SPIRE1: variants seen among roughly 807,000 people sequenced by gnomAD.
The protein encoded by SPIRE1 is spire type actin nucleation factor 1.
Under a neutral mutation model 94.1 loss-of-function variants are expected in SPIRE1, and 40 were observed. That is an observed-to-expected ratio of 0.43 (90% CI 0.33 to 0.55). SPIRE1 has a LOEUF of 0.55. Among genes scored for constraint, SPIRE1 ranks in the 20% least tolerant of loss-of-function variants. The pLI is 0.06. For missense variants in SPIRE1, 838 were observed against 975.2 expected, an observed-to-expected ratio of 0.86 and a Z score of 1.87; for synonymous variants, 376 against 371.7, an observed-to-expected ratio of 1.01 and a Z score of -0.13.
chr18:12,488,174 C>A (rs1428519067), intron 8 of SPIRE1, among the ~76,000 whole-genome samples: 1 of 152,310 alleles, frequency 6.6e-6, no homozygotes, highest in South Asian at 2.1e-4. Context: ...TTTGCCATAT[C>A]CTTTCTTCTG....
intron 6 of SPIRE1, among the ~76,000 whole-genome samples, chr18:12,501,081 A>G (rs1171164546): frequency 9.6e-6 from 1 of 104,428 alleles, no homozygotes. Flanking sequence ...TCAAAAAAAA[A>G]AAAAAAAAAA....
chr18:12,574,828 A>G (rs1023066871), intron 2 of SPIRE1, among the ~76,000 whole-genome samples: 2 of 152,208 alleles, frequency 1.3e-5, no homozygotes, highest in East Asian at 3.9e-4. Flanking sequence ...AAAGGATGAA[A>G]TCCAAAAACT....
Position 12,623,344 on chromosome 18 carries a change from A to G in SPIRE1, c.372+11718T>C, listed in dbSNP as rs113547146. On this transcript the variant is annotated intron_variant, in intron 2 of 16. Transcript: ENST00000409402. ...GATTTTTTGTATTTTTAGTAGAGACAGGGTTTCACTGTGTTAGCCAGGATG... is the reference window on the plus strand; with the variant it reads ...GATTTTTTGTATTTTTAGTAGAGACGGGGTTTCACTGTGTTAGCCAGGATG... Among the ~76,000 whole-genome samples the G allele has an allele frequency of 5.3e-4, 80 of 151,824 alleles. 1 individual carries two copies. In the South Asian group the frequency reaches 5.4e-3, roughly 10 times the overall value.
chr18:12,639,190 T>G (rs1408328694), intron 1 of SPIRE1, among the ~76,000 whole-genome samples: 1 of 151,622 alleles, frequency 6.6e-6, no homozygotes, highest in Non-Finnish European at 1.5e-5. Flanking sequence ...GGCATGATCT[T>G]GGCTCACTGC....
chr18:12,481,895 C>T (rs2032856437), intron 9 of SPIRE1, among the ~76,000 whole-genome samples: 1 of 152,102 alleles, frequency 6.6e-6, no homozygotes, highest in Non-Finnish European at 1.5e-5. Context: ...TGGGAATTTT[C>T]TAGGAGAAAG....
chr18:12,572,652 A>C (rs1428920817), intron 2 of SPIRE1, among the ~76,000 whole-genome samples: 1 of 152,224 alleles, frequency 6.6e-6, no homozygotes, highest in Non-Finnish European at 1.5e-5. Context: ...TTTAAATAGA[A>C]GATACACTGT....
chr18:12,574,889 G>A lies in SPIRE1; in HGVS notation c.373-27985C>T, dbSNP rs149912430. The stretch of plus-strand genomic sequence containing the variant: ...AAAATATTTCAAGAAGGAAGGCATC[G>A]TCATATGTACTGAATGTGGATAAGA... On this transcript the variant is annotated intron_variant, in intron 2 of 16. Coordinates refer to ENST00000409402, the MANE Select transcript of SPIRE1 (RefSeq NM_001128626.2). Among the ~76,000 whole-genome samples the A allele has an allele frequency of 3.2e-3, 493 of 152,288 alleles. 2 individuals carry two copies. Among genetic ancestry groups the A allele is most frequent in the Non-Finnish European group, 3.6e-3 (246 of 68,018 alleles).
intron 2 of SPIRE1, among the ~76,000 whole-genome samples, chr18:12,572,491 G>C (rs373591643): frequency 6.6e-5 from 10 of 152,094 alleles, no homozygotes; most frequent in African/African-American, 2.4e-4. Flanking sequence ...ATGCACCTGT[G>C]GTCCCAGCTA....
At chr18:12,642,455 A>T (rs982299809) in intron 1 of SPIRE1, among the ~76,000 whole-genome samples, 1 of 152,156 alleles carries the variant, frequency 6.6e-6, no homozygotes, top group African/African-American at 2.4e-5. Flanking sequence ...TCACCTTCCC[A>T]GGGACTAGAG....
rs149209994 is a variant in SPIRE1 at position 12,655,301 on chromosome 18, G to A, written c.337+2229C>T. ...GAAATAAAGCGAAAGAAAGAAGGAA[G>A]GAATAGAATTTTTAAGTGTGCACAC... On this transcript the variant is annotated intron_variant, in intron 1 of 16. Transcript: ENST00000409402. Among the ~76,000 whole-genome samples the A allele has an allele frequency of 2.3e-3, 351 of 150,772 alleles. 3 individuals are homozygous for A. Among genetic ancestry groups the A allele is most frequent in the South Asian group, 0.014 (68 of 4,762 alleles).
At chr18:12,608,028 G>A (rs554184426) in intron 2 of SPIRE1, among the ~76,000 whole-genome samples, 13 of 151,982 alleles carry the variant, frequency 8.6e-5, no homozygotes, top group South Asian at 8.3e-4. Flanking sequence ...CATCATGGCC[G>A]GTGCCTGTAG....
chr18:12,488,289 G>C (rs2033109856), intron 8 of SPIRE1, among the ~76,000 whole-genome samples: 1 of 152,090 alleles, frequency 6.6e-6, no homozygotes, highest in Non-Finnish European at 1.5e-5. Context: ...TGGCCCCTTG[G>C]TGAAACTCTG....
At position 12,505,495 on chromosome 18, in the gene SPIRE1, T is replaced by C. The variant is rs543301174; in HGVS notation, c.972+982A>G. Among the ~76,000 whole-genome samples, 4 of 148,570 alleles carry C rather than the reference T, an allele frequency of 2.7e-5. No homozygotes were observed. In the South Asian group the frequency reaches 8.5e-4, roughly 31 times the overall value. ...GGAACCTGGGAAGTCGAGGCTACAG[T>C]AGAGCTGTGATCATGCCATTGCACT... On this transcript the variant is annotated intron_variant, in intron 6 of 16. Coordinates refer to ENST00000409402, the MANE Select transcript of SPIRE1 (RefSeq NM_001128626.2).
intron 8 of SPIRE1, among the ~76,000 whole-genome samples, chr18:12,492,746 G>T (rs1309268161): frequency 6.6e-6 from 1 of 152,150 alleles, no homozygotes; most frequent in Non-Finnish European, 1.5e-5. Context: ...AGAAAATGAT[G>T]CTCAGAGAGG....
chr18:12,655,125 G>A (rs193015482), intron 1 of SPIRE1, among the ~76,000 whole-genome samples: 3 of 151,946 alleles, frequency 2.0e-5, no homozygotes, highest in Admixed American at 2.0e-4. Flanking sequence ...GGCCAAGGCA[G>A]TTGGATCACT....
At chr18:12,593,969 G>T (rs759124708) in intron 2 of SPIRE1, among the ~76,000 whole-genome samples, 60 of 150,422 alleles carry the variant, frequency 4.0e-4, no homozygotes, top group South Asian at 8.4e-4. Flanking sequence ...AAAAAAATAA[G>T]AAGAAGAAAG....
chr18:12,609,443 TG>T (rs1442195278), intron 2 of SPIRE1, among the ~76,000 whole-genome samples: 13 of 152,128 alleles, frequency 8.5e-5, no homozygotes, highest in Non-Finnish European at 1.6e-4. Flanking sequence ...GGGGGTTTTT[TG>T]AGAGCCAGTT....
intron 6 of SPIRE1, among the ~76,000 whole-genome samples, chr18:12,506,168 T>C (rs540892694): frequency 1.3e-5 from 2 of 152,320 alleles, no homozygotes; most frequent in Admixed American, 6.5e-5. Flanking sequence ...TTTTTGTTTT[T>C]CTTTTTTGAG....
intron 2 of SPIRE1, among the ~76,000 whole-genome samples, chr18:12,604,682 G>A (rs2036923849): frequency 6.6e-6 from 1 of 152,026 alleles, no homozygotes; most frequent in Non-Finnish European, 1.5e-5. Flanking sequence ...TAGAAACATG[G>A]CAGAAAAAAA....
Sources: allele counts gnomAD v4.1 joint callset (sites outside exome capture counted in the v4.1 genomes callset), GRCh38; gene constraint gnomAD v4.1.1; transcripts MANE v1.5; gene names NCBI Gene and HGNC (gene_info 2026-07-23, HGNC 2026-07-21).